PPEF1: variants seen among roughly 807,000 people sequenced by gnomAD.
PPEF1 encodes serine/threonine-protein phosphatase with EF-hands 1.
PPEF1 carries 12 observed loss-of-function variants against 53.3 expected under a neutral mutation model. The observed-to-expected ratio is 0.23, with a 90% CI of 0.14 to 0.36. PPEF1 has a LOEUF of 0.36. Among genes scored for constraint, PPEF1 ranks in the 10% least tolerant of loss-of-function variants. The pLI, the probability that PPEF1 is intolerant of heterozygous loss-of-function variation, is 1.00. For synonymous variants in PPEF1, 165 were observed against 176.7 expected, an observed-to-expected ratio of 0.93 and a Z score of 0.52; for missense variants, 334 against 490.4, an observed-to-expected ratio of 0.68 and a Z score of 3.01.
At chrX:18,800,537 C>T (rs190014915) in intron 10 of PPEF1, among the ~76,000 whole-genome samples, 8 of 111,830 alleles carry the variant, frequency 7.2e-5, no homozygotes, top group Non-Finnish European at 1.1e-4. Context: ...CAACTATTTA[C>T]ATAGCACTTA....
At chrX:18,745,576 C>A (rs928071299) in intron 3 of PPEF1, among the ~76,000 whole-genome samples, 4 of 110,883 alleles carry the variant, frequency 3.6e-5, no homozygotes, top group Non-Finnish European at 7.5e-5. Context: ...TTATATCTTT[C>A]TATACAATAA....
intron 3 of PPEF1, among the ~76,000 whole-genome samples, chrX:18,742,284 A>G (rs532653114): frequency 8.9e-6 from 1 of 112,099 alleles, no homozygotes; most frequent in African/African-American, 3.2e-5. Flanking sequence ...ATTCTTGTAC[A>G]TGTCCCTTTT....
chrX:18,801,599 G>A (rs981010985), intron 10 of PPEF1, among the ~76,000 whole-genome samples: 4 of 111,901 alleles, frequency 3.6e-5, no homozygotes, highest in African/African-American at 1.3e-4. Flanking sequence ...TCTCAAAAGT[G>A]AGACCCAGGG....
intron 10 of PPEF1, among the ~76,000 whole-genome samples, chrX:18,795,130 C>T (rs936010668): frequency 1.8e-5 from 2 of 110,301 alleles, no homozygotes; most frequent in East Asian, 2.9e-4. Flanking sequence ...GGCAACTTGG[C>T]GAAACCCCAT....
chrX:18,710,732 A>G (rs1199964931), intron 1 of PPEF1, among the ~76,000 whole-genome samples: 2 of 111,593 alleles, frequency 1.8e-5, no homozygotes, highest in African/African-American at 6.5e-5. Flanking sequence ...TGCTGGTGGG[A>G]ATGTAAATTA....
chrX:18,783,750 A>G (rs2046143859), intron 8 of PPEF1, 149 bp from the exon 9 acceptor site: 4 of 522,665 alleles, frequency 7.7e-6, no homozygotes, highest in South Asian at 7.3e-5. Flanking sequence ...GAATAAAAAG[A>G]CATGATGAAT....
At chrX:18,716,185 A>G (rs781588878) in intron 1 of PPEF1, among the ~76,000 whole-genome samples, 1 of 112,236 alleles carries the variant, frequency 8.9e-6, no homozygotes, top group African/African-American at 3.2e-5. Flanking sequence ...CTGAATAGCA[A>G]ACTAAATATT....
At chrX:18,757,342 CT>C (rs768737139) in intron 4 of PPEF1, among the ~76,000 whole-genome samples, 66 of 110,014 alleles carry the variant, frequency 6.0e-4, no homozygotes, top group African/African-American at 2.1e-3. Context: ...TTACAATTGG[CT>C]TTTTGTCTGC....
rs570982224 is a variant in PPEF1 at position 18,759,645 on chromosome X, T to C, written c.512-1885T>C. On this transcript the variant is annotated intron_variant, in intron 5 of 15. Transcript: ENST00000470157. The stretch of plus-strand genomic sequence containing the variant: ...AGTAAAGAGTCCTCCCATCTTTATG[T>C]CCTTAGATTTAGAGTGAGACCATAT... 3.4e-4 allele frequency among the ~76,000 whole-genome samples: 38 copies of C among 111,966 alleles called. No homozygotes were observed. The South Asian group carries it at 0.012, about 35-fold the overall frequency.
At chrX:18,720,363 G>A (rs2044557417) in intron 1 of PPEF1, among the ~76,000 whole-genome samples, 1 of 111,683 alleles carries the variant, frequency 9.0e-6, no homozygotes, top group African/African-American at 3.3e-5. Context: ...AAGCTGAGGC[G>A]GGCAGATCAC....
chrX:18,690,096 G>A (rs1929280479), intron 3 of PPEF1, among the ~76,000 whole-genome samples: 1 of 111,342 alleles, frequency 9.0e-6, no homozygotes, highest in Non-Finnish European at 1.9e-5. Flanking sequence ...TCTCCTACTA[G>A]CCTATAAGCT....
chrX:18,679,342 T>C (rs893028156), upstream of PPEF1, among the ~76,000 whole-genome samples: 1 of 112,139 alleles, frequency 8.9e-6, no homozygotes, highest in African/African-American at 3.2e-5. Flanking sequence ...TCTCTCAAAG[T>C]GTTGGGATTA....
Position 18,803,903 on chromosome X carries a change from T to C in PPEF1, c.1077T>C (p.Ile359=). 1 of 1,206,905 alleles carries C rather than the reference T, an allele frequency of 8.3e-7. No homozygotes were observed. Among genetic ancestry groups the C allele is most frequent in the Non-Finnish European group, 1.1e-6 (1 of 892,643 alleles). Reference sequence around the variant, plus strand: ...TTTGTTGTTCCAAGATTATTGATATTCTGTGGAGTGATCCCAGAGGCAAAA... The same window carrying C: ...TTTGTTGTTCCAAGATTATTGATATCCTGTGGAGTGATCCCAGAGGCAAAA... ...TEHEWEQIID[I]LWSDPRGKNG... is the part of the protein sequence containing the mutation. Residue 359 remains isoleucine (I), a synonymous_variant, in exon 11 of 16, where the codon ATT becomes ATC. Transcript: ENST00000470157.
At chrX:18,730,839 C>T (rs767248490) in intron 2 of PPEF1, among the ~76,000 whole-genome samples, 35 of 109,580 alleles carry the variant, frequency 3.2e-4, no homozygotes, top group Non-Finnish European at 5.9e-4. Context: ...CTCAGCCTCC[C>T]GAGTAGCTAG....
intron 12 of PPEF1, among the ~76,000 whole-genome samples, chrX:18,811,670 C>T (rs1368757203): frequency 1.0e-5 from 1 of 99,067 alleles, no homozygotes; most frequent in Non-Finnish European, 2.0e-5. Context: ...CAGGCAAAGG[C>T]GATCATGGCT....
upstream of PPEF1, among the ~76,000 whole-genome samples, chrX:18,705,393 G>C (rs1471185254): frequency 4.5e-5 from 5 of 111,709 alleles, no homozygotes; most frequent in Non-Finnish European, 9.4e-5. Context: ...ATGTAGATAA[G>C]GAAGACACGA....
intron 1 of PPEF1, among the ~76,000 whole-genome samples, chrX:18,714,478 G>A (rs909503746): frequency 9.1e-6 from 1 of 110,227 alleles, no homozygotes. Flanking sequence ...TCACCATGTT[G>A]GCCAGGCTGG....
chrX:18,794,227 C>T (rs978581975), intron 10 of PPEF1, among the ~76,000 whole-genome samples: 1 of 113,065 alleles, frequency 8.8e-6, no homozygotes, highest in African/African-American at 3.2e-5. Flanking sequence ...TGTCTTTCCC[C>T]GATTCAGTCT....
At chrX:18,703,329 C>A (rs1168627964), upstream of PPEF1, among the ~76,000 whole-genome samples, 1 of 111,566 alleles carries the variant, frequency 9.0e-6, no homozygotes, top group Non-Finnish European at 1.9e-5. Context: ...ATTATTATAG[C>A]CAATTTTTTC....
Sources: allele counts gnomAD v4.1 joint callset (sites outside exome capture counted in the v4.1 genomes callset), GRCh38; gene constraint gnomAD v4.1.1; transcripts MANE v1.5; gene names NCBI Gene and HGNC (gene_info 2026-07-23, HGNC 2026-07-21).